ALDH16A1: variants seen among roughly 807,000 people sequenced by gnomAD.
The protein encoded by ALDH16A1 is aldehyde dehydrogenase 16 family member A1.
In ALDH16A1, 88 loss-of-function variants were observed where a neutral mutation model predicts 96.1. The observed-to-expected ratio is 0.92, with a 90% CI of 0.77 to 1.09. ALDH16A1 has a LOEUF of 1.09. Among genes scored for constraint, ALDH16A1 ranks in the 50% least tolerant of loss-of-function variants. The pLI is 0.00. For missense variants in ALDH16A1, 1,250 were observed against 1,112.6 expected, an observed-to-expected ratio of 1.12 and a Z score of -1.76; for synonymous variants, 522 against 496.4, an observed-to-expected ratio of 1.05 and a Z score of -0.69.
In ALDH16A1 at chr19:49,459,548, G is replaced by A. The variant is rs143867340; in HGVS notation, c.321-122G>A. 1.7e-4 allele frequency: 193 copies of A among 1,137,370 alleles called. 1 individual carries two copies. In the African/African-American group the frequency reaches 2.2e-3, roughly 13 times the overall value. 70.5% of individuals were successfully genotyped at this position (1,137,370 alleles called of 1,614,324 possible). ...TAAATCTTCACTGCCCTCTGCCCCA[G>A]GTAAATGGTGGGGATGCCTCAGGGG... On this transcript the variant is annotated intron_variant, in intron 3 of 16. Transcript: ENST00000293350. The surrounding 1 kb of genome is among the most constrained non-coding windows in gnomAD (Gnocchi z 4.1).
intron 1 of ALDH16A1, among the ~76,000 whole-genome samples, chr19:49,454,412 G>T (rs1021594852): frequency 5.9e-5 from 9 of 151,952 alleles, no homozygotes; most frequent in African/African-American, 2.2e-4. Context: ...TGTCCCATAG[G>T]GTTCCCATGA....
At chr19:49,462,900 G>A (rs1447270780) in intron 8 of ALDH16A1, 145 bp downstream of exon 8, 3 of 596,904 alleles carry the variant, frequency 5.0e-6, no homozygotes, top group African/African-American at 4.2e-5. Context: ...TGGGTCTGAA[G>A]GAGGAGGGGC....
Position 49,468,968 on chromosome 19 carries a change from G to T in ALDH16A1, c.2229G>T (p.Trp743Cys). 6.2e-7 allele frequency: 1 copy of T among 1,613,236 alleles called. No individual in the cohort carries two copies. Among genetic ancestry groups the T allele is most frequent in the Non-Finnish European group, 8.5e-7 (1 of 1,179,498 alleles). The change falls in exon 16 of 17, where the codon TGG becomes TGT. Residue 743 changes from tryptophan (W) to cysteine (C), a missense_variant. Transcript: ENST00000293350. This position sits in a 1 kb window ranked among gnomAD's most constrained non-coding sequence, Gnocchi z 4.4. ...LALHQDVQAM[W>C]YFGSAQGSQF... ...TGCACCAAGACGTCCAGGCCATGTG[G>T]TATTTCGGATCAGCCCAGGTGCTCT...
rs1400671316 is a variant in ALDH16A1, at chr19:49,468,296, T to C, written c.1939-85T>C. 3 of 1,415,854 alleles carry C rather than the reference T, an allele frequency of 2.1e-6. No homozygotes were observed. The highest frequency in any genetic ancestry group is 2.8e-5 in the African/African-American group (2 of 70,720). The allele number at this position is 1,415,854 out of a possible 1,614,324, so 87.7% of individuals were successfully genotyped here. ...GTGCGGTTTGGGCCAACACCAAGTG[T>C]TGGGGAGAATGTAGAGGAACTGGAT... is the stretch of plus-strand genomic sequence containing the variant. On this transcript the variant is annotated intron_variant, in intron 14 of 16. Coordinates refer to ENST00000293350, the MANE Select transcript of ALDH16A1 (RefSeq NM_153329.4). This position sits in a 1 kb window ranked among gnomAD's most constrained non-coding sequence, Gnocchi z 4.4.
intron 5 of ALDH16A1, 132 bp downstream of exon 5, chr19:49,461,031 G>C (rs376964953): frequency 1.0e-5 from 10 of 990,660 alleles, no homozygotes; most frequent in South Asian, 6.6e-5. Context: ...TGGGAGGAGG[G>C]GCTGCGGGTC....
chr19:49,457,024 C>T (rs907506889), intron 1 of ALDH16A1, among the ~76,000 whole-genome samples: 3 of 151,836 alleles, frequency 2.0e-5, no homozygotes, highest in Admixed American at 6.6e-5. Flanking sequence ...AGGAGAATCA[C>T]GTGAACCCAG....
Position 49,453,362 on chromosome 19 carries a change from C to G in ALDH16A1, c.31C>G (p.Arg11Gly), listed in dbSNP as rs955505696. The change falls in exon 1 of 17, where the codon CGC becomes GGC. Residue 11 changes from arginine to glycine, a missense_variant. By Grantham distance (125) the Arg-to-Gly change is moderately radical. Coordinates refer to ENST00000293350, the MANE Select transcript of ALDH16A1 (RefSeq NM_153329.4). The part of the protein sequence containing the change: MAATRAGPRA[R>G]EIFTSLEYGP... Reference sequence around the variant, plus strand: ...TGCGACGCGTGCAGGGCCCCGCGCCCGCGAGATCTTCACCTCGCTGGAGTA... The same window carrying G: ...TGCGACGCGTGCAGGGCCCCGCGCCGGCGAGATCTTCACCTCGCTGGAGTA... 1 of 1,544,522 alleles carries G rather than the reference C, an allele frequency of 6.5e-7. No individual in the cohort carries two copies. The highest frequency in any genetic ancestry group is 8.7e-7 in the Non-Finnish European group (1 of 1,147,006).
chr19:49,470,242 G>T, intron 16 of ALDH16A1, 64 bp from the exon 17 acceptor site: 1 of 1,586,626 alleles, frequency 6.3e-7, no homozygotes, highest in South Asian at 1.1e-5. Flanking sequence ...CTTCATCGCG[G>T]AGGAAGCAGG....
chr19:49,462,943 T>G lies in ALDH16A1; in HGVS notation c.1098+188T>G, dbSNP rs868467266. 8.0e-3 allele frequency among the ~76,000 whole-genome samples: 207 copies of G among 25,922 alleles called. 1 individual carries two copies. The highest frequency in any genetic ancestry group is 0.028 in the Middle Eastern group (1 of 36). The allele number at this position is 25,922 out of a possible 152,430, so 17.0% of individuals were successfully genotyped here. On this transcript the variant is annotated intron_variant, in intron 8 of 16. Coordinates refer to ENST00000293350, the MANE Select transcript of ALDH16A1 (RefSeq NM_153329.4). ...GGACTCCTGGGTCTGAGGGAGGAGG[T>G]GCTGGGGCCTGGATTCCTGGGTCTG...
chr19:49,463,711 G>T, intron 8 of ALDH16A1, 143 bp from the exon 9 acceptor site: 1 of 629,122 alleles, frequency 1.6e-6, no homozygotes, highest in Non-Finnish European at 2.8e-6. Flanking sequence ...GGAGAGGCTG[G>T]GGGTCCAGAC....
intron 9 of ALDH16A1, 39 bp from the exon 10 acceptor site, chr19:49,464,088 G>A (rs1396404971): frequency 6.3e-7 from 1 of 1,593,346 alleles, no homozygotes; most frequent in Non-Finnish European, 8.5e-7. Flanking sequence ...CCTGGTGGGT[G>A]GGCCCTGGAG....
At chr19:49,456,906 G>C (rs530939589) in intron 1 of ALDH16A1, among the ~76,000 whole-genome samples, 75 of 151,980 alleles carry the variant, frequency 4.9e-4, no homozygotes, top group South Asian at 4.6e-3. Context: ...CCAGGAGTTC[G>C]AGACCAGCCT....
rs757550978 is a variant in ALDH16A1, at chr19:49,464,260, A to G, written c.1328A>G (p.Tyr443Cys). 2 of 1,602,002 alleles carry G rather than the reference A, an allele frequency of 1.2e-6. No individual in the cohort carries two copies. The highest frequency in any genetic ancestry group is 1.7e-6 in the Non-Finnish European group (2 of 1,179,126). ...CTGGGGCAGGCGCTGGAGCTGGGCTATGGGTCAGTCTGCGTGGCCCGGGCG... is the reference window on the plus strand; with the variant it reads ...CTGGGGCAGGCGCTGGAGCTGGGCTGTGGGTCAGTCTGCGTGGCCCGGGCG... ...ERLGQALELG[Y>C]GLQVGTVWIN... Residue 443 changes from tyrosine (Y) to cysteine (C), a missense_variant, in exon 10 of 17, where the codon TAT (tyrosine) becomes TGT (cysteine). Tyr to Cys is a radical substitution (Grantham distance 194). Coordinates refer to ENST00000293350, the MANE Select transcript of ALDH16A1 (RefSeq NM_153329.4).
At chr19:49,453,986 C>A (rs1436224038) in intron 1 of ALDH16A1, among the ~76,000 whole-genome samples, 1 of 151,024 alleles carries the variant, frequency 6.6e-6, no homozygotes, top group African/African-American at 2.4e-5. Flanking sequence ...CTCTCAGGAG[C>A]CTAGAATACA....
chr19:49,453,356 C>A lies in ALDH16A1; in HGVS notation c.25C>A (p.Arg9Ser), dbSNP rs144362005. The change falls in exon 1 of 17, where the codon CGC (arginine) becomes AGC (serine). Residue 9 changes from arginine (R) to serine (S), a missense_variant. By Grantham distance (110) the Arg-to-Ser change is moderately radical. Coordinates refer to ENST00000293350, the MANE Select transcript of ALDH16A1 (RefSeq NM_153329.4). MAATRAGP[R>S]AREIFTSLEY... ...GATGGCTGCGACGCGTGCAGGGCCC[C>A]GCGCCCGCGAGATCTTCACCTCGCT... 368 of 1,551,554 alleles carry A rather than the reference C, an allele frequency of 2.4e-4. No individual in the cohort carries two copies. Among genetic ancestry groups the A allele is most frequent in the Non-Finnish European group, 3.1e-4 (354 of 1,150,746 alleles).
At chr19:49,467,719 T>C (rs2079210819) in intron 14 of ALDH16A1, among the ~76,000 whole-genome samples, 1 of 151,888 alleles carries the variant, frequency 6.6e-6, no homozygotes, top group Non-Finnish European at 1.5e-5. Context: ...TTTATTTTAC[T>C]TTAGTTCTGG....
Position 49,468,563 on chromosome 19 carries a change from C to T in ALDH16A1, c.2121C>T (p.Cys707=). Residue 707 remains cysteine (C), a synonymous_variant, in exon 15 of 17, where the codon TGC becomes TGT. Coordinates refer to ENST00000293350, the MANE Select transcript of ALDH16A1 (RefSeq NM_153329.4). This position sits in a 1 kb window ranked among gnomAD's most constrained non-coding sequence, Gnocchi z 4.4. ...AACPLLALEV[C]QDMATVFPAG... is the part of the protein sequence containing the mutation. ...GTCCTCTGCTGGCCCTGGAGGTCTG[C>T]CAGGTATAGCCCCCTGCCTTCCTGC... The T allele has an allele frequency of 1.2e-6, 2 of 1,603,618 alleles. No homozygotes were observed. Among genetic ancestry groups the T allele is most frequent in the South Asian group, 1.1e-5 (1 of 91,052 alleles).
Position 49,466,370 on chromosome 19 carries a change from C to T in ALDH16A1, c.1938+87C>T, listed in dbSNP as rs1011079554. 7.6e-5 allele frequency: 102 copies of T among 1,336,384 alleles called. No homozygotes were observed. In the African/African-American group the frequency reaches 1.4e-3, roughly 19 times the overall value. 82.8% of individuals were successfully genotyped at this position (1,336,384 alleles called of 1,614,324 possible). A position where few individuals can be genotyped will look rare whatever the true frequency, so the allele number is the denominator to read the frequency against. On this transcript the variant is annotated intron_variant, in intron 14 of 16. Transcript: ENST00000293350. ...TGTGAGATAACCCAGGCTTGGAATTCGGGCCCAGCCCCACCGCCTTCCACG... is the reference window on the plus strand; with the variant it reads ...TGTGAGATAACCCAGGCTTGGAATTTGGGCCCAGCCCCACCGCCTTCCACG...
intron 14 of ALDH16A1, 90 bp downstream of exon 14, chr19:49,466,373 G>T: frequency 7.5e-7 from 1 of 1,331,640 alleles, no homozygotes; most frequent in Non-Finnish European, 9.8e-7. Flanking sequence ...TGGAATTCGG[G>T]CCCAGCCCCA....
Sources: gnomAD v4.1 joint callset for allele counts (sites outside exome capture counted in the v4.1 genomes callset) on GRCh38, gnomAD v4.1.1 for gene constraint, Gnocchi (gnomAD v3.1) non-coding constraint, MANE v1.5 for transcripts, NCBI Gene and HGNC (gene_info 2026-07-23, HGNC 2026-07-21) for gene names.